Variants in FOXP2 observed in about 807,000 individuals in gnomAD.
FOXP2 encodes the protein forkhead box protein P2.
A neutral mutation model predicts 115.8 loss-of-function variants in FOXP2; 12 were observed. The ratio of observed to expected loss-of-function variants is 0.10; its 90% CI spans 0.07 to 0.17. FOXP2 has a LOEUF of 0.17. FOXP2 is among the 10% of genes least tolerant of loss of function. The pLI is 1.00. For synonymous variants in FOXP2, 328 were observed against 297.7 expected (o/e 1.10, Z -1.05); for missense variants, 629 against 843.5 (o/e 0.75, Z 3.15).
At chr7:114,342,883 T>C (rs1791250381) in intron 2 of FOXP2, among the ~76,000 whole-genome samples, 1 of 151,594 alleles carries the variant, frequency 6.6e-6, no homozygotes, top group Admixed American at 6.6e-5. Context: ...CAAACCAATT[T>C]ACTTAAAGAA....
At chr7:114,504,421 A>G (rs1026128704) in intron 2 of FOXP2, among the ~76,000 whole-genome samples, 1 of 151,666 alleles carries the variant, frequency 6.6e-6, no homozygotes, top group Non-Finnish European at 1.5e-5. Context: ...ACATTTGTAT[A>G]GTAAGTACAA....
At position 114,691,309 on chromosome 7, in the gene FOXP2, A is replaced by G. The variant is rs1229259234; in HGVS notation, c.*1383A>G. The G allele has an allele frequency of 1.3e-5, 6 of 452,918 alleles. No individual in the cohort carries two copies. Among genetic ancestry groups the G allele is most frequent in the Non-Finnish European group, 2.6e-5 (6 of 226,522 alleles). The allele number at this position is 452,918 out of a possible 1,614,324, so 28.1% of individuals were successfully genotyped here. On this transcript the variant is annotated 3_prime_UTR_variant, in exon 17 of 17. Coordinates refer to ENST00000350908, the MANE Select transcript of FOXP2 (RefSeq NM_014491.4). ...AGGAACCAAACATAAAAGGTCTAGT[A>G]AAGCCAAAAATTAATTTCATATTGA...
intron 1 of FOXP2, among the ~76,000 whole-genome samples, chr7:114,168,646 C>T (rs756180489): frequency 1.3e-5 from 2 of 152,136 alleles, no homozygotes; most frequent in Non-Finnish European, 2.9e-5. Flanking sequence ...AAGAAAATCC[C>T]ATTTTCTGAG....
intron 2 of FOXP2, among the ~76,000 whole-genome samples, chr7:114,407,697 T>C (rs2129197988): frequency 6.6e-6 from 1 of 152,304 alleles, no homozygotes; most frequent in Non-Finnish European, 1.5e-5. Flanking sequence ...TTCTTATCTA[T>C]TTTATTTCTA....
rs974846315 is a variant in FOXP2, at chr7:114,439,357, T to C, written c.168+12678T>C. Reference sequence around the variant, plus strand: ...CCTGAGCCTCTCCGGTTTGTATCTGTAGAGCAGCTAAAGCTTTATATATTT... The same window carrying C: ...CCTGAGCCTCTCCGGTTTGTATCTGCAGAGCAGCTAAAGCTTTATATATTT... On this transcript the variant is annotated intron_variant, in intron 2 of 16. Coordinates refer to ENST00000350908, the MANE Select transcript of FOXP2 (RefSeq NM_014491.4). Among the ~76,000 whole-genome samples the C allele has an allele frequency of 5.9e-5, 9 of 152,274 alleles. 1 individual carries two copies. The East Asian group carries it at 1.5e-3, about 26-fold the overall frequency.
intron 2 of FOXP2, among the ~76,000 whole-genome samples, chr7:114,408,027 A>G (rs994800713): frequency 1.1e-4 from 16 of 152,194 alleles, no homozygotes; most frequent in African/African-American, 3.6e-4. Flanking sequence ...GTTTCACTCT[A>G]TAAAATGTAA....
chr7:114,337,909 T>C (rs1409772276), intron 2 of FOXP2, among the ~76,000 whole-genome samples: 1 of 151,238 alleles, frequency 6.6e-6, no homozygotes, highest in Non-Finnish European at 1.5e-5. Context: ...GCATTTAAAA[T>C]GATACAGGTT....
At chr7:114,614,403 G>C (rs1238673737) in intron 3 of FOXP2, among the ~76,000 whole-genome samples, 5 of 152,094 alleles carry the variant, frequency 3.3e-5, no homozygotes, top group Non-Finnish European at 5.9e-5. Flanking sequence ...TGACCTATAG[G>C]AGTGTTTCAC....
chr7:114,547,421 G>C (rs17137087), intron 3 of FOXP2, among the ~76,000 whole-genome samples: 10,184 of 152,010 alleles, frequency 0.067, 907 homozygotes, highest in East Asian at 0.36. Flanking sequence ...CTTTCACTAG[G>C]GAACCGGAAG....
chr7:114,372,350 A>G (rs536463336), intron 2 of FOXP2, among the ~76,000 whole-genome samples: 2 of 152,158 alleles, frequency 1.3e-5, no homozygotes, highest in Admixed American at 6.5e-5. Flanking sequence ...TAGGGTAACT[A>G]TATAAATTTT....
At chr7:114,489,637 G>C (rs1464340022) in intron 2 of FOXP2, among the ~76,000 whole-genome samples, 1 of 151,830 alleles carries the variant, frequency 6.6e-6, no homozygotes, top group African/African-American at 2.4e-5. Flanking sequence ...CACATACCTT[G>C]TTGCCCGTTT....
intron 10 of FOXP2, 85 bp downstream of exon 10, chr7:114,654,094 A>C: frequency 6.2e-7 from 1 of 1,606,514 alleles, no homozygotes; most frequent in Non-Finnish European, 8.5e-7. Context: ...ACAGTTAGAA[A>C]ACAATGAGTG....
chr7:114,559,202 A>G (rs1377154974), intron 3 of FOXP2, among the ~76,000 whole-genome samples: 1 of 152,202 alleles, frequency 6.6e-6, no homozygotes, highest in Non-Finnish European at 1.5e-5. Context: ...TTACAGGAGC[A>G]CTATGCACAT....
At chr7:114,638,874 T>C (rs953590756) in intron 6 of FOXP2, among the ~76,000 whole-genome samples, 2 of 152,206 alleles carry the variant, frequency 1.3e-5, no homozygotes, top group South Asian at 4.1e-4. Flanking sequence ...AATTTAACAC[T>C]GTGTCTTCCT....
intron 3 of FOXP2, among the ~76,000 whole-genome samples, chr7:114,581,753 G>T (rs1402646767): frequency 4.6e-5 from 7 of 152,132 alleles, no homozygotes; most frequent in African/African-American, 1.7e-4. Flanking sequence ...CAAATCCTTT[G>T]TGTTTTCCCT....
chr7:114,156,566 C>T (rs1792677412), intron 1 of FOXP2, among the ~76,000 whole-genome samples: 1 of 152,102 alleles, frequency 6.6e-6, no homozygotes, highest in Admixed American at 6.6e-5. Context: ...CTTTCAAGAC[C>T]AGACCATTGT....
chr7:114,145,440 T>TTTCTTTC (rs1792340783), intron 1 of FOXP2, among the ~76,000 whole-genome samples: 1 of 6,112 alleles, frequency 1.6e-4, no homozygotes, highest in Non-Finnish European at 1.3e-3. Flanking sequence ...TTTTTTCTTT[T>TTTCTTTC]CTTTTCTTTT....
intron 1 of FOXP2, among the ~76,000 whole-genome samples, chr7:114,265,198 G>A (rs939628691): frequency 2.6e-5 from 4 of 152,032 alleles, no homozygotes; most frequent in African/African-American, 9.7e-5. Flanking sequence ...TTCCACCTAT[G>A]AGCCTATAAA....
At chr7:114,357,189 C>T (rs1310698552) in intron 2 of FOXP2, among the ~76,000 whole-genome samples, 1 of 152,084 alleles carries the variant, frequency 6.6e-6, no homozygotes, top group Non-Finnish European at 1.5e-5. Context: ...GGGAATTTTT[C>T]ATAGTAGTAC....
Sources: allele counts gnomAD v4.1 joint callset (sites outside exome capture counted in the v4.1 genomes callset), GRCh38; gene constraint gnomAD v4.1.1; transcripts MANE v1.5; gene names NCBI Gene and HGNC (gene_info 2026-07-23, HGNC 2026-07-21).